CDH18: variants seen among roughly 807,000 people sequenced by gnomAD.
CDH18 encodes the protein cadherin-18.
Under a neutral mutation model 67.9 loss-of-function variants are expected in CDH18, and 31 were observed. The observed-to-expected ratio is 0.46, with a 90% CI of 0.34 to 0.62. The LOEUF is 0.62. CDH18 is among the 20% of genes least tolerant of loss of function. The probability of loss-of-function intolerance (pLI) is 0.01; values close to 1 mark genes in which losing one functional copy is unlikely to be tolerated. For synonymous variants in CDH18, 362 were observed against 347.2 expected (o/e 1.04, Z -0.48); for missense variants, 890 against 975.5 (o/e 0.91, Z 1.17).
At chr5:19,657,718 A>C (rs924023581) in intron 5 of CDH18, among the ~76,000 whole-genome samples, 3 of 152,168 alleles carry the variant, frequency 2.0e-5, no homozygotes, top group African/African-American at 7.2e-5. Flanking sequence ...ATTTCTATAA[A>C]ACATCTTCTC....
intron 3 of CDH18, among the ~76,000 whole-genome samples, chr5:19,785,277 T>C (rs1546209): frequency 0.38 from 58,019 of 151,716 alleles, 13,127 homozygotes; most frequent in Middle Eastern, 0.57. Flanking sequence ...GACTGATCCA[T>C]CACATAATAT....
At chr5:20,053,549 C>T (rs1276227790) in intron 2 of CDH18, among the ~76,000 whole-genome samples, 1 of 152,068 alleles carries the variant, frequency 6.6e-6, no homozygotes, top group African/African-American at 2.4e-5. Context: ...TTGGAGGCAA[C>T]CTTTAATCAC....
chr5:20,147,541 A>T (rs891497736), intron 2 of CDH18, among the ~76,000 whole-genome samples: 4 of 152,168 alleles, frequency 2.6e-5, no homozygotes, highest in Admixed American at 2.6e-4. Flanking sequence ...CATACCCTGA[A>T]TTTGGAACAG....
At chr5:20,320,169 G>T (rs983784892) in intron 1 of CDH18, among the ~76,000 whole-genome samples, 1 of 152,010 alleles carries the variant, frequency 6.6e-6, no homozygotes, top group Non-Finnish European at 1.5e-5. Flanking sequence ...ATGGATTGTT[G>T]ATGGGGCAAA....
intron 1 of CDH18, among the ~76,000 whole-genome samples, chr5:20,492,679 T>C (rs578185602): frequency 2.6e-5 from 4 of 152,196 alleles, no homozygotes; most frequent in African/African-American, 7.2e-5. Flanking sequence ...TGAGACATAT[T>C]TAAGATATTT....
intron 2 of CDH18, among the ~76,000 whole-genome samples, chr5:19,948,527 C>CT (rs1341711315): frequency 6.6e-6 from 1 of 152,132 alleles, no homozygotes; most frequent in African/African-American, 2.4e-5. Context: ...CGGTTGCCCT[C>CT]TGTAAGGGTT....
At chr5:19,706,404 A>C (rs1438543907) in intron 5 of CDH18, among the ~76,000 whole-genome samples, 1 of 152,256 alleles carries the variant, frequency 6.6e-6, no homozygotes, top group East Asian at 1.9e-4. Context: ...CATTACCTGG[A>C]AAAAAGCTAA....
At chr5:20,026,265 AAAT>A (rs1378300665) in intron 2 of CDH18, among the ~76,000 whole-genome samples, 10 of 152,186 alleles carry the variant, frequency 6.6e-5, no homozygotes, top group Non-Finnish European at 8.8e-5. Flanking sequence ...ATCTGTGGCC[AAAT>A]CATAAATTTG....
chr5:20,290,773 C>G (rs1018776389), intron 1 of CDH18, among the ~76,000 whole-genome samples: 1 of 151,976 alleles, frequency 6.6e-6, no homozygotes, highest in African/African-American at 2.4e-5. Flanking sequence ...TGGCTAAAAA[C>G]GAAATAGCAA....
chr5:20,515,683 G>A (rs1237342345), intron 1 of CDH18, among the ~76,000 whole-genome samples: 1 of 152,004 alleles, frequency 6.6e-6, no homozygotes, highest in Non-Finnish European at 1.5e-5. Flanking sequence ...GTCTGCCTTT[G>A]AACTTCTATT....
intron 2 of CDH18, among the ~76,000 whole-genome samples, chr5:20,070,380 C>G (rs1487061767): frequency 1.3e-5 from 2 of 151,958 alleles, no homozygotes; most frequent in Non-Finnish European, 2.9e-5. Context: ...AGATTATTGT[C>G]TGCTTTTGGT....
chr5:20,139,429 C>G (rs1027951353), intron 2 of CDH18, among the ~76,000 whole-genome samples: 5 of 152,128 alleles, frequency 3.3e-5, no homozygotes, highest in Admixed American at 2.0e-4. Context: ...GACTAAAACA[C>G]CAAAAGCAAT....
chr5:20,356,426 C>T (rs1741612502), intron 1 of CDH18, among the ~76,000 whole-genome samples: 2 of 151,930 alleles, frequency 1.3e-5, no homozygotes, highest in African/African-American at 2.4e-5. Flanking sequence ...AACACTCCCA[C>T]CAAAGGTAAT....
intron 3 of CDH18, among the ~76,000 whole-genome samples, chr5:19,782,103 T>C (rs1019626529): frequency 6.6e-6 from 1 of 152,180 alleles, no homozygotes; most frequent in African/African-American, 2.4e-5. Flanking sequence ...TTCACACTTT[T>C]ATATAGTACT....
intron 2 of CDH18, among the ~76,000 whole-genome samples, chr5:20,189,880 A>G (rs1738403059): frequency 6.6e-6 from 1 of 152,076 alleles, no homozygotes; most frequent in African/African-American, 2.4e-5. Flanking sequence ...ATTCTTTATT[A>G]CTGAAGGTGG....
intron 1 of CDH18, among the ~76,000 whole-genome samples, chr5:20,431,487 C>CAAAA (rs560015111): frequency 4.2e-4 from 28 of 66,152 alleles, no homozygotes; most frequent in African/African-American, 1.0e-3. Context: ...GAGTGAAACT[C>CAAAA]AAAAAAAAAA....
chr5:19,542,057 T>C (rs1750370608), intron 9 of CDH18, among the ~76,000 whole-genome samples: 1 of 152,140 alleles, frequency 6.6e-6, no homozygotes, highest in Non-Finnish European at 1.5e-5. Flanking sequence ...TTAAAAGTAA[T>C]TAGTGAAAGG....
chr5:20,252,074 A>G (rs1743900043), intron 2 of CDH18, among the ~76,000 whole-genome samples: 1 of 152,098 alleles, frequency 6.6e-6, no homozygotes, highest in South Asian at 2.1e-4. Flanking sequence ...GTTTTTTATT[A>G]TGCAAGGCAA....
At chr5:19,734,926 T>G (rs1768103936) in intron 4 of CDH18, among the ~76,000 whole-genome samples, 1 of 152,182 alleles carries the variant, frequency 6.6e-6, no homozygotes, top group African/African-American at 2.4e-5. Flanking sequence ...ACCCTAAATT[T>G]TAGAGTCTTT....
Sources: allele counts gnomAD v4.1 joint callset (sites outside exome capture counted in the v4.1 genomes callset), GRCh38; gene constraint gnomAD v4.1.1; transcripts MANE v1.5; gene names NCBI Gene and HGNC (gene_info 2026-07-23, HGNC 2026-07-21).